TTC28: variants seen among roughly 807,000 people sequenced by gnomAD.
TTC28 encodes tetratricopeptide repeat protein 28.
A neutral mutation model predicts 198.0 loss-of-function variants in TTC28; 61 were observed. The ratio of observed to expected loss-of-function variants is 0.31; its 90% confidence interval spans 0.25 to 0.38. The LOEUF (loss-of-function observed/expected upper bound fraction) is 0.38. TTC28 is among the 10% of genes least tolerant of loss of function. TTC28 has a pLI of 1.00. For missense variants in TTC28, 2,678 were observed against 3,164.0 expected (o/e 0.85, Z 3.69); for synonymous variants, 1,171 against 1,297.8 (o/e 0.90, Z 2.10).
intron 12 of TTC28, among the ~76,000 whole-genome samples, chr22:28,032,255 ATATATATATATAGTGTGT>A (rs1569095034): frequency 0.02 from 1,892 of 94,818 alleles, 18 homozygotes; most frequent in Non-Finnish European, 0.028. Context: ...TATAAAATAT[ATATATATATATAGTGTGT>A]GTGTGTGTGT....
intron 2 of TTC28, among the ~76,000 whole-genome samples, chr22:28,461,529 T>C: frequency 6.6e-6 from 1 of 152,090 alleles, no homozygotes; most frequent in Non-Finnish European, 1.5e-5. Flanking sequence ...ATCTGCCTCC[T>C]GGGTTCAGGC....
At chr22:28,616,142 C>G (rs182803434) in intron 2 of TTC28, among the ~76,000 whole-genome samples, 40 of 152,202 alleles carry the variant, frequency 2.6e-4, no homozygotes, top group Admixed American at 6.5e-4. Flanking sequence ...ACTCCTTTGT[C>G]CAGGGAAGTA....
chr22:28,545,643 G>C (rs144767094), intron 2 of TTC28, among the ~76,000 whole-genome samples: 36 of 152,098 alleles, frequency 2.4e-4, no homozygotes, highest in African/African-American at 7.7e-4. Context: ...ACAGGATATA[G>C]GTTCAATATA....
intron 2 of TTC28, among the ~76,000 whole-genome samples, chr22:28,471,429 C>G (rs766849721): frequency 6.6e-6 from 1 of 152,114 alleles, no homozygotes; most frequent in Non-Finnish European, 1.5e-5. Flanking sequence ...CTAGAACAGT[C>G]TCTGTGACAA....
intron 6 of TTC28, among the ~76,000 whole-genome samples, chr22:28,130,404 T>C (rs1001336544): frequency 2.0e-5 from 3 of 152,226 alleles, no homozygotes; most frequent in African/African-American, 7.2e-5. Context: ...CTTCAGAAAC[T>C]TCCTAGTTGT....
intron 3 of TTC28, among the ~76,000 whole-genome samples, chr22:28,298,831 C>CA (rs1474253055): frequency 6.6e-6 from 1 of 152,192 alleles, no homozygotes; most frequent in African/African-American, 2.4e-5. Context: ...GCTCTCCCAA[C>CA]AAAACCCTTG....
chr22:27,990,874 G>T, intron 19 of TTC28, 62 bp from the exon 20 acceptor site: 2 of 1,498,382 alleles, frequency 1.3e-6, no homozygotes, highest in Non-Finnish European at 9.0e-7. Flanking sequence ...TTAGACTCAA[G>T]CACAGGCTGT....
At chr22:28,604,330 C>A (rs2050694950) in intron 2 of TTC28, among the ~76,000 whole-genome samples, 1 of 121,664 alleles carries the variant, frequency 8.2e-6, no homozygotes, top group African/African-American at 3.2e-5. Flanking sequence ...TATGTCTTTA[C>A]CACTATTTCT....
intron 5 of TTC28, among the ~76,000 whole-genome samples, chr22:28,215,211 A>C (rs956926505): frequency 6.6e-6 from 1 of 152,216 alleles, no homozygotes; most frequent in Non-Finnish European, 1.5e-5. Flanking sequence ...CAGCACACCA[A>C]CATGGCACAT....
chr22:28,353,694 C>T (rs977282198), intron 2 of TTC28, among the ~76,000 whole-genome samples: 1 of 152,098 alleles, frequency 6.6e-6, no homozygotes, highest in African/African-American at 2.4e-5. Context: ...TATATAAAAA[C>T]TCATTTTTGC....
At chr22:28,586,043 G>A (rs576100696) in intron 2 of TTC28, among the ~76,000 whole-genome samples, 19 of 152,000 alleles carry the variant, frequency 1.3e-4, no homozygotes, top group African/African-American at 4.3e-4. Flanking sequence ...CACTTTGGGA[G>A]GCTGAGGCGG....
At chr22:28,638,937 A>G (rs2051317612) in intron 1 of TTC28, among the ~76,000 whole-genome samples, 1 of 152,190 alleles carries the variant, frequency 6.6e-6, no homozygotes, top group Non-Finnish European at 1.5e-5. Flanking sequence ...AAGAGTTGGG[A>G]TTACAGGCCT....
At chr22:28,615,859 G>C (rs1212489288) in intron 2 of TTC28, among the ~76,000 whole-genome samples, 1 of 152,094 alleles carries the variant, frequency 6.6e-6, no homozygotes, top group African/African-American at 2.4e-5. Context: ...CAAGTTGATT[G>C]GGTGCAGCAA....
chr22:28,637,320 G>A (rs12168765), intron 1 of TTC28, among the ~76,000 whole-genome samples: 3 of 151,998 alleles, frequency 2.0e-5, no homozygotes, highest in Admixed American at 6.6e-5. Context: ...CCACGTTTAA[G>A]TATTTAATCT....
In TTC28 at chr22:28,580,634, TAAGA is replaced by T. The variant is rs2050221300; in HGVS notation, c.381+48914_381+48917del. Among the ~76,000 whole-genome samples the T allele has an allele frequency of 5.9e-5, 9 of 152,348 alleles. No individual in the cohort carries two copies. The South Asian group carries it at 1.9e-3, about 32-fold the overall frequency. On this transcript the variant is annotated intron_variant, in intron 2 of 22. Coordinates refer to ENST00000397906, the MANE Select transcript of TTC28 (RefSeq NM_001145418.2). ...TATAAAAATATTTACCAAATACCAG[TAAGA>T]TACTAAACACTATGCAAAATCTAGA... is the stretch of plus-strand genomic sequence containing the variant.
chr22:28,492,239 T>C (rs1447396886), intron 2 of TTC28, among the ~76,000 whole-genome samples: 1 of 152,006 alleles, frequency 6.6e-6, no homozygotes, highest in African/African-American at 2.4e-5. Context: ...TGTGCACATG[T>C]ACCCTAAAAC....
At chr22:28,038,522 G>C (rs1939461199) in intron 12 of TTC28, among the ~76,000 whole-genome samples, 1 of 152,172 alleles carries the variant, frequency 6.6e-6, no homozygotes, top group African/African-American at 2.4e-5. Flanking sequence ...ATTAATTCAA[G>C]ATGGATTAAA....
intron 5 of TTC28, among the ~76,000 whole-genome samples, chr22:28,164,796 C>T (rs919240965): frequency 2.6e-5 from 4 of 152,026 alleles, no homozygotes; most frequent in East Asian, 1.9e-4. Context: ...GAATGGAGAA[C>T]GACTTTGACA....
rs747761105 is a variant in TTC28, at chr22:27,982,531, C to T, written c.7136G>A (p.Arg2379Gln). 50 of 1,551,548 alleles carry T rather than the reference C, an allele frequency of 3.2e-5. No homozygotes were observed. Among genetic ancestry groups the T allele is most frequent in the Admixed American group, 5.9e-5 (3 of 50,974 alleles). The change falls in exon 23 of 23, where the codon CGG becomes CAG. Residue 2379 changes from arginine to glutamine, a missense_variant. Around this residue, in one of 8 missense-constraint regions of TTC28, gnomAD observed 622 missense variants for 656.0 expected, o/e 0.95. Coordinates refer to ENST00000397906, the MANE Select transcript of TTC28 (RefSeq NM_001145418.2). The surrounding 1 kb of genome is among the most constrained non-coding windows in gnomAD (Gnocchi z 5.2). ...GGAAGTCATCGTGCCAGGAGCCCCC[C>T]GGAAGATCTTCATTGGCCCTGTGGA... ...QHSTGPMKIFRGAPGTMTSKR... is the reference protein window; with the variant it reads ...QHSTGPMKIFQGAPGTMTSKR...
Sources: allele counts gnomAD v4.1 joint callset (sites outside exome capture counted in the v4.1 genomes callset), GRCh38; gene constraint gnomAD v4.1.1; regional missense constraint gnomAD v4.1.1; non-coding constraint Gnocchi (gnomAD v3.1); transcripts MANE v1.5; gene names NCBI Gene and HGNC (gene_info 2026-07-23, HGNC 2026-07-21).